Variants in PCDHGA3 observed in about 807,000 individuals in gnomAD.
The protein encoded by PCDHGA3 is protocadherin gamma-A3.
Under a neutral mutation model 58.5 loss-of-function variants are expected in PCDHGA3, and 40 were observed. The ratio of observed to expected loss-of-function variants is 0.68; its 90% CI spans 0.53 to 0.89. PCDHGA3 has a LOEUF of 0.89. Ranked by LOEUF, PCDHGA3 falls within the 40% of genes least tolerant of loss-of-function variation. PCDHGA3 has a pLI of 0.00. For synonymous variants in PCDHGA3, 530 were observed against 525.7 expected, an observed-to-expected ratio of 1.01 and a Z score of -0.11; for missense variants, 1,223 against 1,195.9, an observed-to-expected ratio of 1.02 and a Z score of -0.33.
chr5:141,426,753 A>G (rs1360041118), intron 1 of PCDHGA3: 3 of 456,298 alleles, frequency 6.6e-6, no homozygotes, highest in East Asian at 7.0e-5. Flanking sequence ...GGAATCTGCT[A>G]TAGATGCAGA....
intron 1 of PCDHGA3, chr5:141,375,000 A>AC (rs1771024393): frequency 6.2e-7 from 1 of 1,613,928 alleles, no homozygotes; most frequent in Non-Finnish European, 8.5e-7. Context: ...ACTTCTGCAA[A>AC]TCTAGACTAT....
At chr5:141,376,215 T>C in intron 1 of PCDHGA3, 1 of 1,614,216 alleles carries the variant, frequency 6.2e-7, no homozygotes, top group Non-Finnish European at 8.5e-7. Flanking sequence ...GTCATCGTGC[T>C]GCTGGCGCTC....
At position 141,484,465 on chromosome 5, in the gene PCDHGA3, A is replaced by G. The variant is rs2099596840; in HGVS notation, c.2425-10342A>G. On this transcript the variant is annotated intron_variant, in intron 1 of 3. Coordinates refer to ENST00000253812, the MANE Select transcript of PCDHGA3 (RefSeq NM_018916.4). ...ATTTAATTGGCTACGTTAATGTGTA[A>G]GCCTTTTCTGCAAAGAGATGGATCC... is the stretch of plus-strand genomic sequence containing the variant. Among the ~76,000 whole-genome samples, 4 of 152,236 alleles carry G rather than the reference A, an allele frequency of 2.6e-5. No individual in the cohort carries two copies. In the South Asian group the frequency reaches 6.2e-4, roughly 24 times the overall value.
At chr5:141,374,551 G>C (rs1314667705) in intron 1 of PCDHGA3, 2 of 1,613,400 alleles carry the variant, frequency 1.2e-6, no homozygotes, top group African/African-American at 2.7e-5. Context: ...CACTAATGGA[G>C]GTCTATGACC....
chr5:141,365,936 G>T, intron 1 of PCDHGA3: 1 of 1,614,202 alleles, frequency 6.2e-7, no homozygotes, highest in Non-Finnish European at 8.5e-7. Flanking sequence ...GACAGCCAGC[G>T]ACAGTGGGAA....
chr5:141,428,305 G>T (rs751498223), intron 1 of PCDHGA3: 8 of 694,348 alleles, frequency 1.2e-5, no homozygotes. Flanking sequence ...GATTTACCTG[G>T]TCGTGGCCTT....
chr5:141,346,800 A>G (rs1241019391), intron 1 of PCDHGA3, among the ~76,000 whole-genome samples: 1 of 152,236 alleles, frequency 6.6e-6, no homozygotes, highest in Non-Finnish European at 1.5e-5. Flanking sequence ...TGAGAGAAAC[A>G]CAACACTGGT....
rs1412764202 is a variant in PCDHGA3, at chr5:141,486,708, C to T, written c.2425-8099C>T. The T allele has an allele frequency of 1.2e-6, 2 of 1,614,062 alleles. No individual in the cohort carries two copies. Among genetic ancestry groups the T allele is most frequent in the Non-Finnish European group, 1.7e-6 (2 of 1,180,054 alleles). ...GCTTCCTCTTTCATCTCTCTGAACC[C>T]CCAGACAGGAGCTGTTCATGCTACT... On this transcript the variant is annotated intron_variant, in intron 1 of 3. Coordinates refer to ENST00000253812, the MANE Select transcript of PCDHGA3 (RefSeq NM_018916.4). This position sits in a 1 kb window ranked among gnomAD's most constrained non-coding sequence, Gnocchi z 5.0.
At chr5:141,410,161 ACT>A (rs758781174) in intron 1 of PCDHGA3, 27 of 1,613,102 alleles carry the variant, frequency 1.7e-5, no homozygotes, top group South Asian at 1.1e-5. Flanking sequence ...GACAGCCGCC[ACT>A]CTCTGCCACC....
intron 2 of PCDHGA3, among the ~76,000 whole-genome samples, chr5:141,496,856 G>A (rs1324235700): frequency 6.7e-6 from 1 of 150,206 alleles, no homozygotes; most frequent in African/African-American, 2.5e-5. Context: ...CAGACCAGCA[G>A]AGGAGACTGA....
chr5:141,490,485 G>A lies in PCDHGA3; in HGVS notation c.2425-4322G>A. 3 of 1,614,202 alleles carry A rather than the reference G, an allele frequency of 1.9e-6. No individual in the cohort carries two copies. Among genetic ancestry groups the A allele is most frequent in the Middle Eastern group, 3.3e-4 (2 of 6,062 alleles). On this transcript the variant is annotated intron_variant, in intron 1 of 3. Coordinates refer to ENST00000253812, the MANE Select transcript of PCDHGA3 (RefSeq NM_018916.4). This position sits in a 1 kb window ranked among gnomAD's most constrained non-coding sequence, Gnocchi z 5.4. ...TAACCAGCCAGCCTTTGGACCGGGA[G>A]GCCACATCCCACTATATCATCGAGC... is the stretch of plus-strand genomic sequence containing the variant.
At chr5:141,371,831 C>T (rs374832321) in intron 1 of PCDHGA3, 1 of 1,613,770 alleles carries the variant, frequency 6.2e-7, no homozygotes, top group Non-Finnish European at 8.5e-7. Context: ...CCTCGGATCC[C>T]GACTTGGGAC....
intron 1 of PCDHGA3, chr5:141,428,419 C>G: frequency 4.4e-6 from 2 of 451,920 alleles, no homozygotes; most frequent in Non-Finnish European, 4.1e-6. Flanking sequence ...TCACCCTGGT[C>G]TCTGTTCTAA....
rs751908443 is a variant in PCDHGA3 at position 141,361,870 on chromosome 5, C to T, written c.2424+15413C>T. 4.3e-6 allele frequency: 7 copies of T among 1,611,302 alleles called. No homozygotes were observed. The Admixed American group carries it at 5.0e-5, about 12-fold the overall frequency. On this transcript the variant is annotated intron_variant, in intron 1 of 3. Transcript: ENST00000253812. The stretch of plus-strand genomic sequence containing the variant: ...TGGCTCCGCCCTCTTCGATATGGTG[C>T]CACGCGCCGCAGAGCCCGGCTACCT...
chr5:141,375,578 G>T, intron 1 of PCDHGA3: 1 of 1,614,062 alleles, frequency 6.2e-7, no homozygotes, highest in Non-Finnish European at 8.5e-7. Flanking sequence ...CCTCCAGGGG[G>T]CGCCCCTGTC....
intron 1 of PCDHGA3, among the ~76,000 whole-genome samples, chr5:141,373,661 A>T (rs766983811): frequency 6.6e-6 from 1 of 152,270 alleles, no homozygotes; most frequent in Non-Finnish European, 1.5e-5. Context: ...AGATATTTTC[A>T]TAAAAATGAA....
chr5:141,505,711 A>C (rs372711957), intron 3 of PCDHGA3, among the ~76,000 whole-genome samples: 17 of 152,058 alleles, frequency 1.1e-4, no homozygotes, highest in Admixed American at 2.6e-4. Context: ...CAAGGAAAAG[A>C]CTCATGGAGG....
chr5:141,480,265 A>G (rs1041908141), intron 1 of PCDHGA3, among the ~76,000 whole-genome samples: 2 of 151,784 alleles, frequency 1.3e-5, no homozygotes, highest in African/African-American at 2.4e-5. Context: ...ATGTGTTTTC[A>G]TTAGCTGGGT....
Position 141,431,075 on chromosome 5 carries a change from C to G in PCDHGA3, c.2425-63732C>G. ...GGGGGCCATCAAGTGTCAATTAAAT[C>G]TAGACATTCTGATGGAGGATAAAGT... is the stretch of plus-strand genomic sequence containing the variant. On this transcript the variant is annotated intron_variant, in intron 1 of 3. Coordinates refer to ENST00000253812, the MANE Select transcript of PCDHGA3 (RefSeq NM_018916.4). The surrounding 1 kb of genome is among the most constrained non-coding windows in gnomAD (Gnocchi z 4.8). 1 of 1,614,156 alleles carries G rather than the reference C, an allele frequency of 6.2e-7. No homozygotes were observed. Among genetic ancestry groups the G allele is most frequent in the Non-Finnish European group, 8.5e-7 (1 of 1,179,984 alleles).
Sources: gnomAD v4.1 joint callset for allele counts (sites outside exome capture counted in the v4.1 genomes callset) on GRCh38, gnomAD v4.1.1 for gene constraint, Gnocchi (gnomAD v3.1) non-coding constraint, MANE v1.5 for transcripts, NCBI Gene and HGNC (gene_info 2026-07-23, HGNC 2026-07-21) for gene names.